The following NSMCE2 variants were observed in gnomAD, a reference collection of about 807,000 sequenced individuals.
The protein encoded by NSMCE2 is E3 SUMO-protein ligase NSE2.
A neutral mutation model predicts 23.8 loss-of-function variants in NSMCE2; 24 were observed. The ratio of observed to expected loss-of-function variants is 1.01; its 90% CI spans 0.73 to 1.42. The LOEUF (loss-of-function observed/expected upper bound fraction) is 1.42. Ranked by LOEUF, NSMCE2 falls within the 40% of genes most tolerant of loss-of-function variation. The pLI, the probability that NSMCE2 is intolerant of heterozygous loss-of-function variation, is 0.00. For missense variants in NSMCE2, 284 were observed against 296.5 expected, an observed-to-expected ratio of 0.96 and a Z score of 0.31; for synonymous variants, 92 against 94.1, an observed-to-expected ratio of 0.98 and a Z score of 0.13.
intron 5 of NSMCE2, among the ~76,000 whole-genome samples, chr8:125,351,780 A>G (rs961667605): frequency 2.0e-5 from 3 of 151,782 alleles, no homozygotes; most frequent in Non-Finnish European, 4.4e-5. Flanking sequence ...GGAGGCCAAG[A>G]CAGGCAGATC....
chr8:125,181,661 G>T (rs903490007), intron 4 of NSMCE2, among the ~76,000 whole-genome samples: 2 of 151,750 alleles, frequency 1.3e-5, no homozygotes, highest in Admixed American at 6.6e-5. Flanking sequence ...AGCCACTTTT[G>T]TAAAGCAGAA....
rs981824403 is a variant in NSMCE2 at position 125,103,491 on chromosome 8, T to C, written c.157+1004T>C. Among the ~76,000 whole-genome samples the C allele has an allele frequency of 2.6e-5, 4 of 152,300 alleles. 1 individual carries two copies. Among genetic ancestry groups the C allele is most frequent in the Middle Eastern group, 6.8e-3 (2 of 294 alleles). ...GTCCTGACTGATATTGTTTGAGATT[T>C]ATGGATCTGTCAGCTTATAGTTTTT... On this transcript the variant is annotated intron_variant, in intron 3 of 7. Transcript: ENST00000287437.
intron 5 of NSMCE2, among the ~76,000 whole-genome samples, chr8:125,314,976 G>A (rs984302128): frequency 2.0e-5 from 3 of 152,190 alleles, no homozygotes; most frequent in African/African-American, 4.8e-5. Flanking sequence ...CCTCAGAGAT[G>A]TAACTAGACT....
At chr8:125,265,610 C>G (rs150271884) in intron 5 of NSMCE2, among the ~76,000 whole-genome samples, 4 of 152,162 alleles carry the variant, frequency 2.6e-5, no homozygotes, top group Non-Finnish European at 1.5e-5. Flanking sequence ...TTAAATTTTG[C>G]CTCTCAGGCA....
chr8:125,230,041 A>G (rs887459189), intron 5 of NSMCE2, among the ~76,000 whole-genome samples: 10 of 152,236 alleles, frequency 6.6e-5, no homozygotes, highest in African/African-American at 2.2e-4. Context: ...TGAAAATGTT[A>G]AAGAAAACTC....
intron 4 of NSMCE2, among the ~76,000 whole-genome samples, chr8:125,161,712 G>A (rs962587352): frequency 3.2e-5 from 4 of 125,916 alleles, no homozygotes; most frequent in South Asian, 5.4e-4. Flanking sequence ...CATGAGAATC[G>A]CTTGAACCCA....
intron 5 of NSMCE2, among the ~76,000 whole-genome samples, chr8:125,274,164 C>T (rs902922061): frequency 4.6e-5 from 7 of 152,092 alleles, no homozygotes; most frequent in Non-Finnish European, 7.4e-5. Flanking sequence ...AAGCTTAACC[C>T]GTACTGCTTG....
chr8:125,283,965 A>G (rs752004743), intron 5 of NSMCE2, among the ~76,000 whole-genome samples: 24 of 152,118 alleles, frequency 1.6e-4, no homozygotes, highest in Non-Finnish European at 2.9e-4. Flanking sequence ...CATCCTGGCT[A>G]ACATGGTGAA....
At chr8:125,309,197 G>A (rs540612746) in intron 5 of NSMCE2, among the ~76,000 whole-genome samples, 23 of 144,204 alleles carry the variant, frequency 1.6e-4, no homozygotes, top group Non-Finnish European at 2.5e-4. Flanking sequence ...GCAATGAGCC[G>A]AGATCACGCC....
chr8:125,162,603 T>C (rs1821685005), intron 4 of NSMCE2, among the ~76,000 whole-genome samples: 1 of 152,170 alleles, frequency 6.6e-6, no homozygotes, highest in Admixed American at 6.5e-5. Context: ...TCCTATCTAG[T>C]GATTTCTTGA....
chr8:125,186,241 C>CT (rs1443238818), intron 5 of NSMCE2, among the ~76,000 whole-genome samples: 1 of 152,166 alleles, frequency 6.6e-6, no homozygotes, highest in East Asian at 1.9e-4. Context: ...AATGTGTTTT[C>CT]TGTGGGTACT....
intron 5 of NSMCE2, among the ~76,000 whole-genome samples, chr8:125,293,707 G>A (rs1347956415): frequency 6.6e-6 from 1 of 152,216 alleles, no homozygotes; most frequent in African/African-American, 2.4e-5. Context: ...GTTAAACACT[G>A]AATGCTGTGA....
intron 5 of NSMCE2, among the ~76,000 whole-genome samples, chr8:125,297,911 A>G (rs1163164757): frequency 6.6e-6 from 1 of 152,222 alleles, no homozygotes; most frequent in Non-Finnish European, 1.5e-5. Context: ...CATACACTTC[A>G]TAATATTAAT....
intron 3 of NSMCE2, among the ~76,000 whole-genome samples, chr8:125,133,579 A>C (rs1181062727): frequency 6.6e-6 from 1 of 152,056 alleles, no homozygotes; most frequent in African/African-American, 2.4e-5. Context: ...ATCTCTACTA[A>C]AAATACACAA....
At chr8:125,345,446 A>C (rs1830398371) in intron 5 of NSMCE2, among the ~76,000 whole-genome samples, 1 of 152,248 alleles carries the variant, frequency 6.6e-6, no homozygotes, top group Non-Finnish European at 1.5e-5. Context: ...ACAGTATTCA[A>C]AGCATTCTCT....
At chr8:125,346,012 C>A (rs1233184418) in intron 5 of NSMCE2, among the ~76,000 whole-genome samples, 1 of 152,184 alleles carries the variant, frequency 6.6e-6, no homozygotes, top group Non-Finnish European at 1.5e-5. Flanking sequence ...AAAAAATTAG[C>A]TGGGCGTGGT....
chr8:125,334,744 G>A (rs1830009664), intron 5 of NSMCE2, among the ~76,000 whole-genome samples: 1 of 148,698 alleles, frequency 6.7e-6, no homozygotes, highest in Non-Finnish European at 1.5e-5. Flanking sequence ...CGAAGGATTG[G>A]GCCAAAAAAG....
At chr8:125,306,030 G>T (rs1313434523) in intron 5 of NSMCE2, among the ~76,000 whole-genome samples, 1 of 152,170 alleles carries the variant, frequency 6.6e-6, no homozygotes, top group East Asian at 1.9e-4. Flanking sequence ...TCATAGTATT[G>T]AATAAGTTTA....
intron 5 of NSMCE2, among the ~76,000 whole-genome samples, chr8:125,308,678 A>T (rs1828854502): frequency 6.6e-6 from 1 of 152,308 alleles, no homozygotes; most frequent in African/African-American, 2.4e-5. Context: ...ATACACACAA[A>T]AGCATCTGCA....
Sources: allele counts gnomAD v4.1 joint callset (sites outside exome capture counted in the v4.1 genomes callset), GRCh38; gene constraint gnomAD v4.1.1; transcripts MANE v1.5; gene names NCBI Gene and HGNC (gene_info 2026-07-23, HGNC 2026-07-21).